Variants in LRFN2 observed in about 807,000 individuals in gnomAD.
LRFN2 encodes the protein leucine-rich repeat and fibronectin type-III domain-containing protein 2.
In LRFN2, 18 loss-of-function variants were observed where a neutral mutation model predicts 37.3. The ratio of observed to expected loss-of-function variants is 0.48; its 90% CI spans 0.33 to 0.72. The LOEUF (loss-of-function observed/expected upper bound fraction) is 0.72. LRFN2 is among the 30% of genes least tolerant of loss of function. The pLI, the probability that LRFN2 is intolerant of heterozygous loss-of-function variation, is 0.02. For synonymous variants in LRFN2, 556 were observed against 466.6 expected, an observed-to-expected ratio of 1.19 and a Z score of -2.47; for missense variants, 1,006 against 1,060.7, an observed-to-expected ratio of 0.95 and a Z score of 0.72.
At chr6:40,526,140 C>T (rs992209164) in intron 1 of LRFN2, among the ~76,000 whole-genome samples, 1 of 152,236 alleles carries the variant, frequency 6.6e-6, no homozygotes, top group Non-Finnish European at 1.5e-5. Context: ...AACAAGAGTG[C>T]TACTGCTGTC....
intron 1 of LRFN2, among the ~76,000 whole-genome samples, chr6:40,462,848 C>T (rs1284021255): frequency 6.6e-6 from 1 of 152,106 alleles, no homozygotes; most frequent in African/African-American, 2.4e-5. Flanking sequence ...GCTTCCAGGG[C>T]CCAATGTACC....
chr6:40,467,079 T>C (rs1282348568), intron 1 of LRFN2, among the ~76,000 whole-genome samples: 1 of 151,756 alleles, frequency 6.6e-6, no homozygotes, highest in East Asian at 1.9e-4. Flanking sequence ...GGTGAGAAAA[T>C]AAATTTGTAT....
intron 2 of LRFN2, among the ~76,000 whole-genome samples, chr6:40,396,748 G>A (rs561493910): frequency 8.7e-4 from 131 of 150,644 alleles, no homozygotes; most frequent in South Asian, 3.4e-3. Context: ...GCGTGTGTAC[G>A]TCTGTGTGTG....
intron 1 of LRFN2, among the ~76,000 whole-genome samples, chr6:40,450,632 C>G (rs144590211): frequency 6.6e-6 from 1 of 152,210 alleles, no homozygotes; most frequent in Admixed American, 6.5e-5. Flanking sequence ...TGGTTATACA[C>G]GGGCAACACC....
chr6:40,488,429 T>A (rs887386580), intron 1 of LRFN2, among the ~76,000 whole-genome samples: 1 of 151,648 alleles, frequency 6.6e-6, no homozygotes, highest in Non-Finnish European at 1.5e-5. Context: ...AGTGATCCTG[T>A]CCTCTGCTGA....
intron 1 of LRFN2, among the ~76,000 whole-genome samples, chr6:40,546,324 C>T (rs1407396915): frequency 1.3e-5 from 2 of 152,174 alleles, no homozygotes; most frequent in African/African-American, 4.8e-5. Flanking sequence ...TTGCACAAAA[C>T]TTTCCCGTTG....
intron 1 of LRFN2, among the ~76,000 whole-genome samples, chr6:40,468,265 G>A (rs1194706211): frequency 6.6e-6 from 1 of 152,044 alleles, no homozygotes; most frequent in Non-Finnish European, 1.5e-5. Context: ...GCACTGGGAG[G>A]TCCCGGTAAT....
chr6:40,445,915 A>G (rs555592321), intron 1 of LRFN2, among the ~76,000 whole-genome samples: 97 of 152,224 alleles, frequency 6.4e-4, no homozygotes, highest in African/African-American at 9.9e-4. Flanking sequence ...CCTGTAAAAC[A>G]CTTAACCAGG....
chr6:40,513,862 C>T (rs1765781234), intron 1 of LRFN2, among the ~76,000 whole-genome samples: 1 of 151,068 alleles, frequency 6.6e-6, no homozygotes, highest in Non-Finnish European at 1.5e-5. Context: ...AGTGGGAGCC[C>T]ACCAAGTGAA....
intron 1 of LRFN2, among the ~76,000 whole-genome samples, chr6:40,483,354 T>A (rs1376988128): frequency 1.3e-5 from 2 of 152,208 alleles, no homozygotes; most frequent in Admixed American, 6.5e-5. Context: ...TTCCCACTAT[T>A]GCGCTGGCAG....
At chr6:40,547,318 C>T (rs36050334) in intron 1 of LRFN2, among the ~76,000 whole-genome samples, 4,851 of 151,984 alleles carry the variant, frequency 0.032, 105 homozygotes, top group Non-Finnish European at 0.044. Flanking sequence ...TTGGCCAGGC[C>T]GGTCTCGAAC....
intron 1 of LRFN2, among the ~76,000 whole-genome samples, chr6:40,471,052 G>A (rs777719716): frequency 2.6e-5 from 4 of 152,176 alleles, no homozygotes; most frequent in Non-Finnish European, 5.9e-5. Context: ...GGCCTGATAG[G>A]TGAGGGGCGT....
intron 1 of LRFN2, among the ~76,000 whole-genome samples, chr6:40,547,524 T>C (rs1222485122): frequency 6.6e-6 from 1 of 152,160 alleles, no homozygotes; most frequent in Non-Finnish European, 1.5e-5. Flanking sequence ...CTGGGCATCT[T>C]CCATTTGACC....
At chr6:40,409,789 T>C (rs149083603) in intron 2 of LRFN2, among the ~76,000 whole-genome samples, 2,510 of 152,310 alleles carry the variant, frequency 0.016, 34 homozygotes, top group Non-Finnish European at 0.023. Flanking sequence ...GAGAAACTTA[T>C]TGACACTTCC....
At chr6:40,517,720 G>T (rs1765924745) in intron 1 of LRFN2, among the ~76,000 whole-genome samples, 1 of 152,166 alleles carries the variant, frequency 6.6e-6, no homozygotes, top group Non-Finnish European at 1.5e-5. Flanking sequence ...AATTAGGGGG[G>T]TTAATTAGCA....
At chr6:40,576,535 G>A (rs1767281411) in intron 1 of LRFN2, among the ~76,000 whole-genome samples, 1 of 152,224 alleles carries the variant, frequency 6.6e-6, no homozygotes, top group Non-Finnish European at 1.5e-5. Flanking sequence ...GCCACCACTG[G>A]GTCCCACCGG....
At chr6:40,446,550 T>C (rs1046329448) in intron 1 of LRFN2, among the ~76,000 whole-genome samples, 2 of 152,224 alleles carry the variant, frequency 1.3e-5, no homozygotes, top group Non-Finnish European at 2.9e-5. Context: ...CTTCTGTCAC[T>C]AGGGCTAAGT....
At chr6:40,528,898 C>T (rs1169931482) in intron 1 of LRFN2, among the ~76,000 whole-genome samples, 1 of 152,136 alleles carries the variant, frequency 6.6e-6, no homozygotes, top group African/African-American at 2.4e-5. Flanking sequence ...CCAACTAGTC[C>T]CACTGCTAGC....
intron 1 of LRFN2, among the ~76,000 whole-genome samples, chr6:40,497,678 C>T (rs768217827): frequency 6.6e-6 from 1 of 152,120 alleles, no homozygotes; most frequent in African/African-American, 2.4e-5. Flanking sequence ...AGTTTCCACA[C>T]CTGCATCAAG....
Sources: gnomAD v4.1 joint callset for allele counts (sites outside exome capture counted in the v4.1 genomes callset) on GRCh38, gnomAD v4.1.1 for gene constraint, MANE v1.5 for transcripts, NCBI Gene and HGNC (gene_info 2026-07-23, HGNC 2026-07-21) for gene names.